The following EPHA6 variants were observed in gnomAD, a reference collection of about 807,000 sequenced individuals.
EPHA6 encodes EPH receptor A6.
EPHA6 carries 50 observed loss-of-function variants against 112.0 expected under a neutral mutation model. The ratio of observed to expected loss-of-function variants is 0.45; its 90% CI spans 0.36 to 0.56. The LOEUF (loss-of-function observed/expected upper bound fraction) is 0.56, where lower values mean the gene tolerates loss of function less well. Among genes scored for constraint, EPHA6 ranks in the 20% least tolerant of loss-of-function variants. The probability of loss-of-function intolerance (pLI) is 0.00; values close to 1 mark genes in which losing one functional copy is unlikely to be tolerated. For synonymous variants in EPHA6, 529 were observed against 490.7 expected (o/e 1.08, Z -1.03); for missense variants, 1,280 against 1,417.4 (o/e 0.90, Z 1.56).
intron 13 of EPHA6, among the ~76,000 whole-genome samples, chr3:97,614,391 G>A (rs1292633308): frequency 6.9e-6 from 1 of 145,726 alleles, no homozygotes; most frequent in Non-Finnish European, 1.5e-5. Context: ...CTGGAGTGTA[G>A]TGGCACGATC....
At chr3:97,538,451 G>A (rs755097535) in intron 11 of EPHA6, among the ~76,000 whole-genome samples, 39 of 152,282 alleles carry the variant, frequency 2.6e-4, no homozygotes, top group Admixed American at 4.6e-4. Context: ...AGTTTAAGGT[G>A]TCTGTGACAT....
intron 14 of EPHA6, among the ~76,000 whole-genome samples, chr3:97,651,745 C>T (rs1457558455): frequency 6.6e-6 from 1 of 152,024 alleles, no homozygotes; most frequent in Non-Finnish European, 1.5e-5. Context: ...GATCAATCAG[C>T]ACATGTCCAG....
chr3:97,023,826 C>T (rs995991301), intron 3 of EPHA6, among the ~76,000 whole-genome samples: 6 of 152,014 alleles, frequency 3.9e-5, no homozygotes, highest in East Asian at 1.9e-4. Flanking sequence ...AAGAATCATC[C>T]GTAAGATTAG....
At chr3:96,835,364 T>C (rs1323035238) in intron 1 of EPHA6, among the ~76,000 whole-genome samples, 2 of 152,070 alleles carry the variant, frequency 1.3e-5, no homozygotes, top group Non-Finnish European at 2.9e-5. Context: ...CTTTCAAGTT[T>C]CAAGAAAGAC....
chr3:97,289,771 C>G (rs2080612887), intron 5 of EPHA6, among the ~76,000 whole-genome samples: 1 of 151,852 alleles, frequency 6.6e-6, no homozygotes, highest in South Asian at 2.1e-4. Context: ...TTGTAGAGAT[C>G]TTTCACCTCC....
intron 14 of EPHA6, among the ~76,000 whole-genome samples, chr3:97,644,388 CA>C (rs1287198000): frequency 6.8e-6 from 1 of 147,964 alleles, no homozygotes; most frequent in Non-Finnish European, 1.5e-5. Flanking sequence ...ACTAGAAAAG[CA>C]AGAGCAAACA....
intron 17 of EPHA6, 44 bp downstream of exon 17, chr3:97,747,616 G>A: frequency 6.6e-7 from 1 of 1,504,110 alleles, no homozygotes; most frequent in Non-Finnish European, 8.9e-7. Flanking sequence ...TGTCCTGCTG[G>A]GGATTATAAG....
intron 10 of EPHA6, among the ~76,000 whole-genome samples, chr3:97,497,139 A>G (rs937712289): frequency 2.6e-5 from 4 of 152,180 alleles, no homozygotes; most frequent in South Asian, 2.1e-4. Flanking sequence ...AATGTAAACC[A>G]GATTGTGTCC....
At chr3:97,427,476 G>GGGAGCTAAATGATGA (rs2089221201) in intron 6 of EPHA6, among the ~76,000 whole-genome samples, 1 of 152,130 alleles carries the variant, frequency 6.6e-6, no homozygotes, top group South Asian at 2.1e-4. Context: ...ACTTATAAGT[G>GGGAGCTAAATGATGA]GGAGCTAAAT....
At chr3:97,173,535 A>G (rs759528652) in intron 3 of EPHA6, among the ~76,000 whole-genome samples, 6 of 151,806 alleles carry the variant, frequency 4.0e-5, no homozygotes, top group Admixed American at 6.6e-5. Context: ...ACTAATTACT[A>G]TGTGTCAGGA....
intron 6 of EPHA6, chr3:97,439,468 C>G (rs541108960): frequency 1.1e-5 from 2 of 189,602 alleles, no homozygotes; most frequent in South Asian, 1.8e-4. Flanking sequence ...CTTCTTAACC[C>G]TTTCTACTCA....
At position 97,751,777 on chromosome 3, in the gene EPHA6, A is replaced by G. The variant is rs544671841; in HGVS notation, c.*3076A>G. Among the ~76,000 whole-genome samples, 1 of 152,286 alleles carries G rather than the reference A, an allele frequency of 6.6e-6. No homozygotes were observed. Among genetic ancestry groups the G allele is most frequent in the South Asian group, 2.1e-4 (1 of 4,832 alleles). On this transcript the variant is annotated 3_prime_UTR_variant, in exon 18 of 18. Transcript: ENST00000389672. ...TCAGGAATAATCTTTGATACCTAAA[A>G]TATGCATATAGACTCACATACCTAC...
chr3:97,165,875 T>A (rs1480725741), intron 3 of EPHA6, among the ~76,000 whole-genome samples: 2 of 152,168 alleles, frequency 1.3e-5, no homozygotes, highest in African/African-American at 4.8e-5. Context: ...AAGTATTCAA[T>A]AAAAAATTGC....
At chr3:97,694,368 CT>C (rs970788795) in intron 14 of EPHA6, among the ~76,000 whole-genome samples, 1 of 152,006 alleles carries the variant, frequency 6.6e-6, no homozygotes, top group African/African-American at 2.4e-5. Context: ...TCCCGAGTAG[CT>C]GAGATTACAG....
chr3:97,019,874 G>A (rs991197925), intron 3 of EPHA6, among the ~76,000 whole-genome samples: 2 of 152,058 alleles, frequency 1.3e-5, no homozygotes, highest in Non-Finnish European at 2.9e-5. Flanking sequence ...ACTGTGTGTA[G>A]TATTTGTATA....
chr3:97,400,488 G>A (rs575599321), intron 5 of EPHA6, among the ~76,000 whole-genome samples: 1 of 151,620 alleles, frequency 6.6e-6, no homozygotes, highest in Admixed American at 6.6e-5. Context: ...TTTGATAGGG[G>A]TGGTATGGAA....
At chr3:97,722,880 C>T (rs1233959979) in intron 15 of EPHA6, among the ~76,000 whole-genome samples, 3 of 151,836 alleles carry the variant, frequency 2.0e-5, no homozygotes, top group Non-Finnish European at 4.4e-5. Flanking sequence ...ATTTTTCCTG[C>T]CCCCCAGATT....
intron 14 of EPHA6, among the ~76,000 whole-genome samples, chr3:97,677,392 AT>A (rs752046808): frequency 1.3e-5 from 2 of 152,122 alleles, no homozygotes; most frequent in African/African-American, 4.8e-5. Flanking sequence ...GAGCTAAAGG[AT>A]TATTGGAGAC....
intron 5 of EPHA6, among the ~76,000 whole-genome samples, chr3:97,369,403 G>A (rs72926380): frequency 0.025 from 3,850 of 152,246 alleles, 155 homozygotes; most frequent in African/African-American, 0.083. Flanking sequence ...GGTGGAGGCA[G>A]ATGTATTTTG....
Sources: gnomAD v4.1 joint callset for allele counts (sites outside exome capture counted in the v4.1 genomes callset) on GRCh38, gnomAD v4.1.1 for gene constraint, MANE v1.5 for transcripts, NCBI Gene and HGNC (gene_info 2026-07-23, HGNC 2026-07-21) for gene names.